The following ATP2C2 variants were observed in gnomAD, a reference collection of about 807,000 sequenced individuals.
ATP2C2 encodes calcium-transporting ATPase type 2C member 2.
Under a neutral mutation model 110.8 loss-of-function variants are expected in ATP2C2, and 171 were observed. That is an observed-to-expected ratio of 1.54 (90% CI 1.36 to 1.75). The LOEUF (loss-of-function observed/expected upper bound fraction) is 1.75, where lower values mean the gene tolerates loss of function less well. Ranked by LOEUF, ATP2C2 falls within the 40% of genes most tolerant of loss-of-function variation. The probability of loss-of-function intolerance (pLI) is 0.00; values close to 1 mark genes in which losing one functional copy is unlikely to be tolerated. For missense variants in ATP2C2, 1,963 were observed against 1,235.0 expected, an observed-to-expected ratio of 1.59 and a Z score of -8.84; for synonymous variants, 804 against 508.4, an observed-to-expected ratio of 1.58 and a Z score of -7.82.
intron 4 of ATP2C2, among the ~76,000 whole-genome samples, chr16:84,409,571 G>A (rs966781899): frequency 6.6e-6 from 1 of 151,984 alleles, no homozygotes; most frequent in Non-Finnish European, 1.5e-5. Flanking sequence ...CAGCAGTGCC[G>A]TGATCTCAGC....
intron 14 of ATP2C2, 96 bp from the exon 15 acceptor site, chr16:84,442,414 C>T (rs1237679426): frequency 3.4e-6 from 4 of 1,172,746 alleles, no homozygotes; most frequent in Non-Finnish European, 5.1e-6. Flanking sequence ...AGTCTTGTCC[C>T]CACAACCCCA....
intron 10 of ATP2C2, 98 bp from the exon 11 acceptor site, chr16:84,425,637 C>G (rs1907741747): frequency 7.5e-7 from 1 of 1,332,844 alleles, no homozygotes; most frequent in Non-Finnish European, 1.1e-6. Flanking sequence ...TCTGTGCATG[C>G]ATTCCTGTAA....
intron 10 of ATP2C2, among the ~76,000 whole-genome samples, chr16:84,424,261 C>A (rs1412077180): frequency 6.6e-6 from 1 of 152,204 alleles, no homozygotes; most frequent in African/African-American, 2.4e-5. Context: ...ACAGCAAGAC[C>A]CATGATATCA....
chr16:84,398,602 C>A lies in ATP2C2; in HGVS notation c.203C>A (p.Ala68Glu). The A allele has an allele frequency of 1.2e-6, 2 of 1,607,160 alleles. No homozygotes were observed. The highest frequency in any genetic ancestry group is 1.7e-6 in the Non-Finnish European group (2 of 1,176,916). ...TGCCAGAAAGAGGATTTGGCCAGAG[C>A]GTTTTGTGTAAGAATTGAATTTGCA... ...CKCQKEDLAR[A>E]FCVDLHTGLS... Residue 68 changes from alanine (A) to glutamate (E), a missense_variant, in exon 2 of 27, where the codon GCG (alanine) becomes GAG (glutamate). Transcript: ENST00000262429.
At chr16:84,388,692 C>A (rs1386239953) in intron 1 of ATP2C2, among the ~76,000 whole-genome samples, 1 of 152,216 alleles carries the variant, frequency 6.6e-6, no homozygotes, top group African/African-American at 2.4e-5. Flanking sequence ...CATTCTGACT[C>A]TTGCATTGAT....
At chr16:84,431,714 T>TCATGGG (rs1445082020) in intron 11 of ATP2C2, among the ~76,000 whole-genome samples, 2 of 152,030 alleles carry the variant, frequency 1.3e-5, no homozygotes, top group East Asian at 3.9e-4. Context: ...GTTGCTTAGA[T>TCATGGG]CATGGGGAAA....
chr16:84,435,557 G>T (rs1481500086), intron 11 of ATP2C2, among the ~76,000 whole-genome samples: 1 of 152,224 alleles, frequency 6.6e-6, no homozygotes, highest in Non-Finnish European at 1.5e-5. Context: ...CAAGCTTGGA[G>T]GCTCATGCCT....
At chr16:84,422,359 A>T in intron 7 of ATP2C2, 31 bp from the exon 8 acceptor site, 1 of 1,600,660 alleles carries the variant, frequency 6.2e-7, no homozygotes, top group South Asian at 1.1e-5. Flanking sequence ...TGACAGAGAG[A>T]TTCCACAGCC....
rs766047755 is a variant in ATP2C2, at chr16:84,448,527, T to A, written c.1504-6T>A. ...TAGTGGATTTCTTCCCTTTGTCTTT[T>A]CTAAGGATCAGGAAGACATTTACTT... On this transcript the variant is annotated splice_region_variant and splice_polypyrimidine_tract_variant and intron_variant, in intron 16 of 26. Coordinates refer to ENST00000262429, the MANE Select transcript of ATP2C2 (RefSeq NM_014861.4). 2 of 1,604,928 alleles carry A rather than the reference T, an allele frequency of 1.2e-6. No individual in the cohort carries two copies. The highest frequency in any genetic ancestry group is 1.1e-5 in the South Asian group (1 of 90,466).
chr16:84,391,675 C>T (rs1904671469), intron 1 of ATP2C2, among the ~76,000 whole-genome samples: 1 of 152,190 alleles, frequency 6.6e-6, no homozygotes. Flanking sequence ...AAAGATCTTG[C>T]CTGCAGGGTT....
intron 1 of ATP2C2, among the ~76,000 whole-genome samples, chr16:84,385,990 CT>C (rs1284881160): frequency 2.0e-5 from 3 of 152,200 alleles, no homozygotes; most frequent in African/African-American, 7.2e-5. Flanking sequence ...GCTTCATTGT[CT>C]TAATTTGGCC....
At chr16:84,378,764 A>G (rs1039384751) in intron 1 of ATP2C2, among the ~76,000 whole-genome samples, 1 of 152,158 alleles carries the variant, frequency 6.6e-6, no homozygotes, top group Non-Finnish European at 1.5e-5. Context: ...AAAAATGACT[A>G]AGAATCTCAA....
chr16:84,403,730 G>C (rs1272458746), intron 2 of ATP2C2, among the ~76,000 whole-genome samples: 1 of 150,374 alleles, frequency 6.7e-6, no homozygotes, highest in South Asian at 2.1e-4. Flanking sequence ...CCTTCTTGTT[G>C]CCCAGGCTGG....
rs189554124 is a variant in ATP2C2 at position 84,396,825 on chromosome 16, C to G, written c.100-1674C>G. Among the ~76,000 whole-genome samples the G allele has an allele frequency of 1.7e-3, 264 of 151,996 alleles. 3 individuals are homozygous for G. The highest frequency in any genetic ancestry group is 2.1e-3 in the South Asian group (10 of 4,820). ...GAGGGCTCCCAATGGATGGCTAAGC[C>G]TGCTTAAAGATCTGCGTAATCGCTG... On this transcript the variant is annotated intron_variant, in intron 1 of 26. Coordinates refer to ENST00000262429, the MANE Select transcript of ATP2C2 (RefSeq NM_014861.4).
At chr16:84,395,705 G>A (rs143230135) in intron 1 of ATP2C2, among the ~76,000 whole-genome samples, 221 of 151,236 alleles carry the variant, frequency 1.5e-3, no homozygotes, top group African/African-American at 5.2e-3. Context: ...ATACCATGTT[G>A]GCCAGGCTGG....
intron 13 of ATP2C2, 51 bp from the exon 14 acceptor site, chr16:84,440,806 G>A (rs1399756772): frequency 2.1e-6 from 3 of 1,418,010 alleles, no homozygotes; most frequent in African/African-American, 2.8e-5. Flanking sequence ...CCAACTGGGG[G>A]AGCATGTTTT....
chr16:84,384,765 T>G (rs567712657), intron 1 of ATP2C2, among the ~76,000 whole-genome samples: 1 of 152,196 alleles, frequency 6.6e-6, no homozygotes, highest in Non-Finnish European at 1.5e-5. Flanking sequence ...AAGAAATACC[T>G]GAAGCCGGGC....
rs556063624 is a variant in ATP2C2, at chr16:84,412,440, G to T, written c.515+1675G>T. Among the ~76,000 whole-genome samples, 5 of 148,550 alleles carry T rather than the reference G, an allele frequency of 3.4e-5. No homozygotes were observed. In the South Asian group the frequency reaches 1.1e-3, roughly 32 times the overall value. ...TGTGTATGTGTGTGCGTGTGTGTAT[G>T]CATGTGTGTGTCTGTGTCTCCGTGT... On this transcript the variant is annotated intron_variant, in intron 6 of 26. Transcript: ENST00000262429.
chr16:84,451,144 C>T (rs148351102), intron 17 of ATP2C2, among the ~76,000 whole-genome samples: 4 of 152,214 alleles, frequency 2.6e-5, no homozygotes, highest in South Asian at 2.1e-4. Context: ...GTGAAAGGCA[C>T]GTCTTACATG....
Sources: gnomAD v4.1 joint callset for allele counts (sites outside exome capture counted in the v4.1 genomes callset) on GRCh38, gnomAD v4.1.1 for gene constraint, MANE v1.5 for transcripts, NCBI Gene and HGNC (gene_info 2026-07-23, HGNC 2026-07-21) for gene names.